NEDD4L: variants seen among roughly 807,000 people sequenced by gnomAD.
The protein encoded by NEDD4L is NEDD4 like E3 ubiquitin protein ligase, also known as E3 ubiquitin-protein ligase NEDD4-like.
Under a neutral mutation model 148.9 loss-of-function variants are expected in NEDD4L, and 54 were observed. The ratio of observed to expected loss-of-function variants is 0.36; its 90% CI spans 0.29 to 0.45. NEDD4L has a LOEUF of 0.45. NEDD4L is among the 20% of genes least tolerant of loss of function. The pLI is 1.00. For synonymous variants in NEDD4L, 433 were observed against 440.7 expected (o/e 0.98, Z 0.22); for missense variants, 856 against 1,233.8 (o/e 0.69, Z 4.59).
intron 17 of NEDD4L, 61 bp from the exon 18 acceptor site, chr18:58,350,930 G>A (rs1439023981): frequency 1.5e-6 from 2 of 1,355,264 alleles, no homozygotes; most frequent in Non-Finnish European, 1.0e-6. Flanking sequence ...TGTTGCCTTT[G>A]ATTTCAGAAC....
intron 5 of NEDD4L, among the ~76,000 whole-genome samples, chr18:58,293,989 C>T (rs183182798): frequency 1.3e-5 from 2 of 152,168 alleles, no homozygotes; most frequent in African/African-American, 2.4e-5. Context: ...TCCCAAAGTT[C>T]TGGGATTACA....
chr18:58,208,077 G>T (rs901919106), intron 2 of NEDD4L, among the ~76,000 whole-genome samples: 1 of 152,064 alleles, frequency 6.6e-6, no homozygotes, highest in Non-Finnish European at 1.5e-5. Flanking sequence ...GAGCAGAGTG[G>T]TATTATTTCC....
At chr18:58,136,853 C>A (rs1040746131) in intron 1 of NEDD4L, among the ~76,000 whole-genome samples, 1 of 152,144 alleles carries the variant, frequency 6.6e-6, no homozygotes, top group Non-Finnish European at 1.5e-5. Context: ...GTGGCCCAAC[C>A]AGTGTTGTAT....
chr18:58,103,917 C>T (rs527646672), intron 1 of NEDD4L, among the ~76,000 whole-genome samples: 50 of 152,286 alleles, frequency 3.3e-4, no homozygotes, highest in Middle Eastern at 3.4e-3. Flanking sequence ...AAACAAATTT[C>T]ACATTAAAGG....
intron 1 of NEDD4L, among the ~76,000 whole-genome samples, chr18:58,147,106 T>C (rs1031846561): frequency 5.9e-5 from 9 of 152,290 alleles, no homozygotes; most frequent in Admixed American, 5.9e-4. Flanking sequence ...TGTAGCAGGG[T>C]GGTTCATAGC....
At position 58,334,489 on chromosome 18, in the gene NEDD4L, G is replaced by A. The variant is rs116282432; in HGVS notation, c.1065+597G>A. 4.9e-3 allele frequency among the ~76,000 whole-genome samples: 748 copies of A among 152,302 alleles called. 8 individuals carry two copies. Among genetic ancestry groups the A allele is most frequent in the African/African-American group, 0.017 (725 of 41,558 alleles). On this transcript the variant is annotated intron_variant, in intron 12 of 30. Transcript: ENST00000400345. Reference sequence around the variant, plus strand: ...AAAGAAATATTCAAGTTGGAAGGCAGACTAGAACTGCCCTGAGAGATGTTT... The same window carrying A: ...AAAGAAATATTCAAGTTGGAAGGCAAACTAGAACTGCCCTGAGAGATGTTT...
At chr18:58,103,012 T>G (rs1278595826) in intron 1 of NEDD4L, among the ~76,000 whole-genome samples, 1 of 152,064 alleles carries the variant, frequency 6.6e-6, no homozygotes, top group Non-Finnish European at 1.5e-5. Context: ...CACGGCTGGC[T>G]TATTATCTGT....
chr18:58,103,410 G>A (rs983454946), intron 1 of NEDD4L, among the ~76,000 whole-genome samples: 19 of 151,928 alleles, frequency 1.3e-4, no homozygotes, highest in South Asian at 2.1e-4. Flanking sequence ...AGTTACCCCC[G>A]TGTGTTAATT....
intron 1 of NEDD4L, among the ~76,000 whole-genome samples, chr18:58,101,167 C>A (rs1363928520): frequency 2.6e-5 from 4 of 152,118 alleles, no homozygotes; most frequent in African/African-American, 9.7e-5. Flanking sequence ...AAAATGTCAG[C>A]AGGGAATGGA....
chr18:58,395,510 A>G (rs1476576037), intron 30 of NEDD4L, among the ~76,000 whole-genome samples: 4 of 142,620 alleles, frequency 2.8e-5, no homozygotes, highest in Non-Finnish European at 4.5e-5. Context: ...TGAAGCCTCC[A>G]GATATGTAGG....
At chr18:58,379,495 C>G (rs2048042529) in intron 24 of NEDD4L, among the ~76,000 whole-genome samples, 2 of 152,186 alleles carry the variant, frequency 1.3e-5, no homozygotes, top group Non-Finnish European at 2.9e-5. Context: ...AAGGAGAACA[C>G]AGGCTGTAGT....
At chr18:58,219,928 G>T (rs1051093717) in intron 2 of NEDD4L, among the ~76,000 whole-genome samples, 4 of 152,176 alleles carry the variant, frequency 2.6e-5, no homozygotes, top group Non-Finnish European at 5.9e-5. Flanking sequence ...TTTTCTTATA[G>T]TGTATTGTGG....
At chr18:58,104,195 G>A (rs2083862) in intron 1 of NEDD4L, among the ~76,000 whole-genome samples, 12,020 of 152,228 alleles carry the variant, frequency 0.079, 1,570 homozygotes, top group African/African-American at 0.27. Context: ...CATGCTAAGT[G>A]AAAGAAGCCA....
chr18:58,211,921 G>A (rs969759917), intron 2 of NEDD4L, among the ~76,000 whole-genome samples: 2 of 152,102 alleles, frequency 1.3e-5, no homozygotes, highest in African/African-American at 4.8e-5. Flanking sequence ...TCTGGAGAGG[G>A]GGTTGGGGGA....
At chr18:58,142,270 G>C (rs182152976) in intron 1 of NEDD4L, among the ~76,000 whole-genome samples, 1 of 151,378 alleles carries the variant, frequency 6.6e-6, no homozygotes, top group Non-Finnish European at 1.5e-5. Context: ...GTACGGTCTC[G>C]ATCTTTTGAC....
In NEDD4L at chr18:58,207,317, ATT is replaced by A. The variant is rs34381915; in HGVS notation, c.123-38098_123-38097del. ...ATCAACCAAATACCTTATTTTAGAG[ATT>A]TTTTTTTTTTTCTGGGAAATTGGAA... On this transcript the variant is annotated intron_variant, in intron 2 of 30. Transcript: ENST00000400345. Among the ~76,000 whole-genome samples the A allele has an allele frequency of 9.7e-4, 143 of 147,736 alleles. 1 individual carries two copies. The highest frequency in any genetic ancestry group is 3.3e-3 in the African/African-American group (133 of 40,254).
intron 1 of NEDD4L, among the ~76,000 whole-genome samples, chr18:58,132,695 A>T (rs769200121): frequency 6.6e-6 from 1 of 152,236 alleles, no homozygotes; most frequent in African/African-American, 2.4e-5. Flanking sequence ...TCGTTGTCTT[A>T]CTGAGCTTAG....
intron 15 of NEDD4L, 66 bp from the exon 16 acceptor site, chr18:58,342,840 A>G (rs1183027700): frequency 7.7e-7 from 1 of 1,296,668 alleles, no homozygotes; most frequent in African/African-American, 1.5e-5. Flanking sequence ...TGCAATACCC[A>G]GGTACATTTT....
chr18:58,350,561 A>G (rs1306661730), intron 17 of NEDD4L, among the ~76,000 whole-genome samples: 2 of 152,230 alleles, frequency 1.3e-5, no homozygotes, highest in African/African-American at 4.8e-5. Context: ...TTCATGGTGG[A>G]TAATACCAAT....
Sources: allele counts gnomAD v4.1 joint callset (sites outside exome capture counted in the v4.1 genomes callset), GRCh38; gene constraint gnomAD v4.1.1; transcripts MANE v1.5; gene names NCBI Gene and HGNC (gene_info 2026-07-23, HGNC 2026-07-21).